The following LATS2 variants were observed in gnomAD, a reference collection of about 807,000 sequenced individuals.
The protein encoded by LATS2 is large tumor suppressor kinase 2, also known as serine/threonine-protein kinase LATS2.
A neutral mutation model predicts 76.0 loss-of-function variants in LATS2; 24 were observed. The ratio of observed to expected loss-of-function variants is 0.32; its 90% CI spans 0.23 to 0.44. The LOEUF is 0.44. Among genes scored for constraint, LATS2 ranks in the 20% least tolerant of loss-of-function variants. The pLI is 1.00. For missense variants in LATS2, 1,286 were observed against 1,481.2 expected (o/e 0.87, Z 2.16); for synonymous variants, 692 against 635.4 (o/e 1.09, Z -1.34).
Position 21,036,176 on chromosome 13 carries a change from G to A in LATS2, c.342+9509C>T, listed in dbSNP as rs538490070. On this transcript the variant is annotated intron_variant, in intron 2 of 7. Transcript: ENST00000382592. ...CTCCCGAAGTGCTGGGATTACAGGC[G>A]TGAGCCACCGCACCTGGCTTAATTT... Among the ~76,000 whole-genome samples the A allele has an allele frequency of 1.8e-4, 27 of 152,154 alleles. 1 individual carries two copies. The South Asian group carries it at 4.8e-3, about 27-fold the overall frequency.
chr13:20,982,282 A>G (rs2138272476), intron 5 of LATS2, among the ~76,000 whole-genome samples: 1 of 152,300 alleles, frequency 6.6e-6, no homozygotes, highest in South Asian at 2.1e-4. Flanking sequence ...GCTATAAGAG[A>G]GGGCTCCTTG....
chr13:21,009,881 C>T (rs536163610), intron 2 of LATS2, among the ~76,000 whole-genome samples: 19 of 152,258 alleles, frequency 1.2e-4, no homozygotes, highest in African/African-American at 4.3e-4. Context: ...CAGACTACAA[C>T]ACAGTGAGAG....
In LATS2 at chr13:21,007,587, A is replaced by ATAGTGTATATATATATATATAGT. The variant is rs1565951976; in HGVS notation, c.343-16184_343-16183insACTATATATATATATATACACTA. Reference sequence around the variant, plus strand: ...TATATATATATATATATATATATATAGTATATATATATATAGTGTGTATAT... The same window carrying ATAGTGTATATATATATATATAGT: ...TATATATATATATATATATATATATATAGTGTATATATATATATATAGTGTATATATATATATAGTGTGTATAT... On this transcript the variant is annotated intron_variant, in intron 2 of 7. Coordinates refer to ENST00000382592, the MANE Select transcript of LATS2 (RefSeq NM_014572.3). 2.6e-4 allele frequency among the ~76,000 whole-genome samples: 2 copies of ATAGTGTATATATATATATATAGT among 7,750 alleles called. 1 individual carries two copies. Among genetic ancestry groups the ATAGTGTATATATATATATATAGT allele is most frequent in the African/African-American group, 2.2e-3 (2 of 926 alleles). The allele number at this position is 7,750 out of a possible 152,430, so 5.1% of individuals were successfully genotyped here.
intron 2 of LATS2, among the ~76,000 whole-genome samples, chr13:21,033,975 C>T (rs757833559): frequency 8.5e-5 from 13 of 152,052 alleles, no homozygotes; most frequent in Non-Finnish European, 1.8e-4. Context: ...GACAGGGGAC[C>T]AGTCGCACCC....
chr13:21,014,865 G>A (rs1042445372), intron 2 of LATS2, among the ~76,000 whole-genome samples: 3 of 152,192 alleles, frequency 2.0e-5, no homozygotes, highest in Non-Finnish European at 4.4e-5. Flanking sequence ...TTTCCAGCTG[G>A]GATGATTTAA....
chr13:20,993,590 G>T (rs1025264573), intron 2 of LATS2, among the ~76,000 whole-genome samples: 3 of 152,186 alleles, frequency 2.0e-5, no homozygotes, highest in South Asian at 2.1e-4. Context: ...GACATGAAGT[G>T]ACAGATTGGA....
Position 20,975,859 on chromosome 13 carries a change from T to G in LATS2, c.2773-495A>C, listed in dbSNP as rs560253789. Among the ~76,000 whole-genome samples, 8 of 152,294 alleles carry G rather than the reference T, an allele frequency of 5.3e-5. 1 individual carries two copies. The East Asian group carries it at 1.5e-3, about 29-fold the overall frequency. ...CCACCACACCCGGCTGATTTTTGTA[T>G]TTTTAGTAGAGACAGGGTTTCACCA... On this transcript the variant is annotated intron_variant, in intron 7 of 7. Coordinates refer to ENST00000382592, the MANE Select transcript of LATS2 (RefSeq NM_014572.3).
chr13:21,017,516 T>C (rs1480053956), intron 2 of LATS2, among the ~76,000 whole-genome samples: 2 of 152,254 alleles, frequency 1.3e-5, no homozygotes, highest in South Asian at 2.1e-4. Context: ...AACTGATTAT[T>C]TGATCTACTC....
chr13:20,999,003 G>C (rs1213346061), intron 2 of LATS2, among the ~76,000 whole-genome samples: 1 of 150,314 alleles, frequency 6.7e-6, no homozygotes, highest in Non-Finnish European at 1.5e-5. Flanking sequence ...AGGGATCCCC[G>C]CGACCTTGTG....
chr13:21,013,413 T>C (rs1247891564), intron 2 of LATS2, among the ~76,000 whole-genome samples: 1 of 152,178 alleles, frequency 6.6e-6, no homozygotes, highest in South Asian at 2.1e-4. Context: ...AAGTAAAAAT[T>C]AGTGTTTGCT....
intron 2 of LATS2, among the ~76,000 whole-genome samples, chr13:21,040,851 T>A (rs1273648057): frequency 7.2e-5 from 11 of 152,122 alleles, no homozygotes; most frequent in African/African-American, 2.4e-4. Context: ...GCAACCCCTA[T>A]GAGGATGGAA....
chr13:20,996,810 A>G (rs1000665305), intron 2 of LATS2, among the ~76,000 whole-genome samples: 9 of 152,220 alleles, frequency 5.9e-5, no homozygotes, highest in African/African-American at 1.7e-4. Context: ...TGGTTACAAA[A>G]TAAGAGTCTG....
At chr13:21,018,529 A>G (rs1389722897) in intron 2 of LATS2, among the ~76,000 whole-genome samples, 4 of 152,266 alleles carry the variant, frequency 2.6e-5, no homozygotes, top group Non-Finnish European at 5.9e-5. Context: ...CCACCCTGGC[A>G]GACCACACCC....
chr13:21,045,625 G>A (rs1393130042), intron 2 of LATS2, 60 bp downstream of exon 2: 1 of 1,364,444 alleles, frequency 7.3e-7, no homozygotes, highest in African/African-American at 1.4e-5. Flanking sequence ...AAACCATTCT[G>A]ACTGCCCCAG....
intron 5 of LATS2, 143 bp from the exon 6 acceptor site, chr13:20,981,791 G>C: frequency 1.4e-6 from 1 of 705,674 alleles, no homozygotes; most frequent in Non-Finnish European, 2.3e-6. Flanking sequence ...GAGAATCCCC[G>C]CTGAGCTGCT....
intron 2 of LATS2, among the ~76,000 whole-genome samples, chr13:21,006,553 C>T (rs767417071): frequency 6.6e-6 from 1 of 152,186 alleles, no homozygotes; most frequent in Non-Finnish European, 1.5e-5. Context: ...AATGTGACTC[C>T]GGAAGAGCAG....
intron 1 of LATS2, among the ~76,000 whole-genome samples, chr13:21,057,013 T>C (rs954406164): frequency 4.6e-5 from 7 of 151,992 alleles, no homozygotes; most frequent in Admixed American, 3.9e-4. Flanking sequence ...GAAAAATGAG[T>C]GAGACTCCCG....
chr13:21,007,044 C>T (rs928047633), intron 2 of LATS2, among the ~76,000 whole-genome samples: 1 of 152,146 alleles, frequency 6.6e-6, no homozygotes, highest in South Asian at 2.1e-4. Flanking sequence ...CAAAGAGTCA[C>T]TGACAAGGTA....
rs1395509767 is a variant in LATS2 at position 20,988,514 on chromosome 13, G to A, written c.1266C>T (p.Ala422=). ...HQPRPGPPGK[A]EPSLPAPNTV... ...TGTTGGGGGCGGGCAGGGAGGGCTC[G>A]GCCTTGCCAGGCGGACCGGGCCGCG... Residue 422 remains alanine (A), a synonymous_variant, in exon 4 of 8, where the codon GCC becomes GCT. Coordinates refer to ENST00000382592, the MANE Select transcript of LATS2 (RefSeq NM_014572.3). 2 of 1,561,276 alleles carry A rather than the reference G, an allele frequency of 1.3e-6. No individual in the cohort carries two copies. Among genetic ancestry groups the A allele is most frequent in the Non-Finnish European group, 1.7e-6 (2 of 1,161,948 alleles).
Sources: allele counts gnomAD v4.1 joint callset (sites outside exome capture counted in the v4.1 genomes callset), GRCh38; gene constraint gnomAD v4.1.1; transcripts MANE v1.5; gene names NCBI Gene and HGNC (gene_info 2026-07-23, HGNC 2026-07-21).